BCAS3: variants seen among roughly 807,000 people sequenced by gnomAD.
BCAS3 encodes BCAS4/BCAS3 fusion.
A neutral mutation model predicts 116.1 loss-of-function variants in BCAS3; 53 were observed. That is an observed-to-expected ratio of 0.46 (90% CI 0.37 to 0.57). The LOEUF is 0.57. BCAS3 is among the 20% of genes least tolerant of loss of function. BCAS3 has a pLI of 0.00. For synonymous variants in BCAS3, 391 were observed against 408.2 expected, an observed-to-expected ratio of 0.96 and a Z score of 0.51; for missense variants, 917 against 1,165.4, an observed-to-expected ratio of 0.79 and a Z score of 3.10.
At chr17:61,299,194 A>T (rs1288161879) in intron 22 of BCAS3, among the ~76,000 whole-genome samples, 1 of 151,574 alleles carries the variant, frequency 6.6e-6, no homozygotes, top group Non-Finnish European at 1.5e-5. Flanking sequence ...CTGTAATCCC[A>T]GTACTTTGGG....
intron 22 of BCAS3, among the ~76,000 whole-genome samples, chr17:61,085,083 A>G (rs948364258): frequency 6.6e-6 from 1 of 152,216 alleles, no homozygotes; most frequent in Admixed American, 6.5e-5. Context: ...CAAGCTATGA[A>G]TATGTATCAT....
intron 7 of BCAS3, chr17:60,810,141 C>G: frequency 5.2e-6 from 2 of 382,996 alleles, no homozygotes; most frequent in South Asian, 2.7e-5. Flanking sequence ...GAGTCCTGTC[C>G]TCTCACTCTC....
intron 22 of BCAS3, among the ~76,000 whole-genome samples, chr17:61,321,558 G>T (rs1423822608): frequency 6.6e-6 from 1 of 152,170 alleles, no homozygotes; most frequent in African/African-American, 2.4e-5. Context: ...TCCTCCCTGG[G>T]CCATCTGGAT....
In BCAS3 at chr17:60,910,582, A is replaced by G. The variant is rs936308685; in HGVS notation, c.873A>G (p.Thr291=). 9.9e-6 allele frequency: 16 copies of G among 1,611,990 alleles called. No homozygotes were observed. The highest frequency in any genetic ancestry group is 1.4e-5 in the Non-Finnish European group (16 of 1,179,164). The change falls in exon 12 of 24, where the codon ACA becomes ACG. Residue 291 remains threonine (T), a synonymous_variant. Coordinates refer to ENST00000407086, the MANE Select transcript of BCAS3 (RefSeq NM_017679.5). ...TMVGKVVTQL[T]GTLPSGVTED... ...TAGGGAAAGTGGTGACTCAGCTGAC[A>G]GGCACACTGCCTTCAGGTGTGACAG... is the stretch of plus-strand genomic sequence containing the variant.
Position 61,346,655 on chromosome 17 carries a change from C to T in BCAS3, c.2426-21672C>T, listed in dbSNP as rs190718974. ...AACTATTAAATGACAGAACAAGGGC[C>T]TTGAAGCCTGAGCCTTTAACCATTT... On this transcript the variant is annotated intron_variant, in intron 22 of 23. Coordinates refer to ENST00000407086, the MANE Select transcript of BCAS3 (RefSeq NM_017679.5). This position sits in a 1 kb window ranked among gnomAD's most constrained non-coding sequence, Gnocchi z 5.4. Among the ~76,000 whole-genome samples the T allele has an allele frequency of 1.5e-3, 222 of 152,332 alleles. No homozygotes were observed. Among genetic ancestry groups the T allele is most frequent in the Non-Finnish European group, 2.6e-3 (180 of 68,032 alleles).
chr17:61,350,964 A>G (rs922336883), intron 22 of BCAS3, among the ~76,000 whole-genome samples: 3 of 152,104 alleles, frequency 2.0e-5, no homozygotes, highest in African/African-American at 7.2e-5. Context: ...AGATCCTGCC[A>G]TTTGCCACAA....
chr17:60,984,367 A>G (rs1350420241), intron 14 of BCAS3, among the ~76,000 whole-genome samples: 3 of 152,170 alleles, frequency 2.0e-5, no homozygotes, highest in Non-Finnish European at 4.4e-5. Flanking sequence ...TTATTTGAAG[A>G]CCTAATACAC....
Position 61,378,868 on chromosome 17 carries a change from G to C in BCAS3, c.2593+10374G>C, listed in dbSNP as rs546851850. On this transcript the variant is annotated intron_variant, in intron 23 of 23. Coordinates refer to ENST00000407086, the MANE Select transcript of BCAS3 (RefSeq NM_017679.5). This position sits in a 1 kb window ranked among gnomAD's most constrained non-coding sequence, Gnocchi z 5.8. ...GCTACTGGAAGCCCCGCCAGGGGCAGAGCTGTAATGGGAGTTTGGGCTGAG... is the reference window on the plus strand; with the variant it reads ...GCTACTGGAAGCCCCGCCAGGGGCACAGCTGTAATGGGAGTTTGGGCTGAG... 1 of 152,438 alleles carries C rather than the reference G, an allele frequency of 6.6e-6. No homozygotes were observed. Among genetic ancestry groups the C allele is most frequent in the South Asian group, 2.1e-4 (1 of 4,826 alleles). The allele number at this position is 152,438 out of a possible 1,614,324, so 9.4% of individuals were successfully genotyped here. A position where few individuals can be genotyped will look rare whatever the true frequency, so the allele number is the denominator to read the frequency against.
intron 22 of BCAS3, among the ~76,000 whole-genome samples, chr17:61,167,985 A>G (rs528667789): frequency 6.6e-6 from 1 of 152,212 alleles, no homozygotes; most frequent in Non-Finnish European, 1.5e-5. Flanking sequence ...CTATAGGTTT[A>G]CTTCTCTCCT....
chr17:60,939,134 A>G (rs1036991162), intron 13 of BCAS3, among the ~76,000 whole-genome samples: 4 of 152,172 alleles, frequency 2.6e-5, no homozygotes, highest in African/African-American at 7.2e-5. Flanking sequence ...TTACAATATT[A>G]AAAAACTAGA....
At chr17:61,078,296 A>G in intron 20 of BCAS3, 37 bp from the exon 21 acceptor site, 1 of 1,542,572 alleles carries the variant, frequency 6.5e-7, no homozygotes, top group Non-Finnish European at 8.9e-7. Context: ...AATCAGGATC[A>G]CAAACCATTT....
chr17:61,083,757 G>A lies in BCAS3; in HGVS notation c.2328-710G>A, dbSNP rs2072850428. Among the ~76,000 whole-genome samples, 1 of 151,800 alleles carries A rather than the reference G, an allele frequency of 6.6e-6. No homozygotes were observed. The highest frequency in any genetic ancestry group is 1.5e-5 in the Non-Finnish European group (1 of 67,958). On this transcript the variant is annotated intron_variant, in intron 21 of 23. Coordinates refer to ENST00000407086, the MANE Select transcript of BCAS3 (RefSeq NM_017679.5). The surrounding 1 kb of genome is among the most constrained non-coding windows in gnomAD (Gnocchi z 4.9). ...ACTATAGGTGCATGCCACCACACCC[G>A]GCTAATTTTTGCATTTTTAGTAGAG...
chr17:61,210,023 C>T (rs968331877), intron 22 of BCAS3, among the ~76,000 whole-genome samples: 2 of 152,106 alleles, frequency 1.3e-5, no homozygotes, highest in Non-Finnish European at 1.5e-5. Flanking sequence ...GAACAGAAAC[C>T]CAGTTGAATG....
At chr17:61,035,343 T>C (rs1430209316) in intron 17 of BCAS3, among the ~76,000 whole-genome samples, 2 of 152,032 alleles carry the variant, frequency 1.3e-5, no homozygotes, top group African/African-American at 4.8e-5. Context: ...CCCAGCACTT[T>C]AGGAGGCAGA....
intron 22 of BCAS3, among the ~76,000 whole-genome samples, chr17:61,351,013 C>G (rs1202143326): frequency 6.6e-6 from 1 of 152,188 alleles, no homozygotes; most frequent in Non-Finnish European, 1.5e-5. Context: ...AAGGATGGTG[C>G]TGTCTGGTGG....
At chr17:60,750,385 T>G (rs1165683340) in intron 6 of BCAS3, among the ~76,000 whole-genome samples, 1 of 152,178 alleles carries the variant, frequency 6.6e-6, no homozygotes. Flanking sequence ...AGCATCATAC[T>G]CAGTGTTGAT....
At chr17:61,223,936 G>T (rs958302795) in intron 22 of BCAS3, among the ~76,000 whole-genome samples, 3 of 152,228 alleles carry the variant, frequency 2.0e-5, no homozygotes, top group Non-Finnish European at 2.9e-5. Flanking sequence ...GAACCCAGTT[G>T]TAGTGATCAT....
intron 22 of BCAS3, among the ~76,000 whole-genome samples, chr17:61,179,862 C>T (rs1198819828): frequency 6.6e-5 from 8 of 121,116 alleles, no homozygotes; most frequent in African/African-American, 1.2e-4. Flanking sequence ...CACTGTTTTT[C>T]TCTCTCTCTC....
intron 22 of BCAS3, among the ~76,000 whole-genome samples, chr17:61,116,234 AG>A (rs1454404201): frequency 2.3e-4 from 31 of 133,938 alleles, no homozygotes; most frequent in African/African-American, 8.3e-4. Context: ...TAAAACTTAA[AG>A]TATAATAAAA....
Sources: gnomAD v4.1 joint callset for allele counts (sites outside exome capture counted in the v4.1 genomes callset) on GRCh38, gnomAD v4.1.1 for gene constraint, Gnocchi (gnomAD v3.1) non-coding constraint, MANE v1.5 for transcripts, NCBI Gene and HGNC (gene_info 2026-07-23, HGNC 2026-07-21) for gene names.